GPR37: variants seen among roughly 807,000 people sequenced by gnomAD.
The protein encoded by GPR37 is G protein-coupled receptor 37.
Under a neutral mutation model 43.6 loss-of-function variants are expected in GPR37, and 20 were observed. The observed-to-expected ratio is 0.46, with a 90% CI of 0.32 to 0.67. The LOEUF (loss-of-function observed/expected upper bound fraction) is 0.67, where lower values mean the gene tolerates loss of function less well. GPR37 is among the 30% of genes least tolerant of loss of function. The pLI, the probability that GPR37 is intolerant of heterozygous loss-of-function variation, is 0.03. For missense variants in GPR37, 724 were observed against 797.2 expected (o/e 0.91, Z 1.11); for synonymous variants, 315 against 322.6 (o/e 0.98, Z 0.25).
chr7:124,754,816 G>T (rs1161839579), intron 1 of GPR37, among the ~76,000 whole-genome samples: 1 of 152,148 alleles, frequency 6.6e-6, no homozygotes, highest in African/African-American at 2.4e-5. Flanking sequence ...GTCAGGAAAA[G>T]AACAGGATGA....
rs79251213 is a variant in GPR37, at chr7:124,746,240, C to T, written c.*285G>A. Reference sequence around the variant, plus strand: ...TTTTTAAAAGAAGAAAAAACGTTAGCAATTTTAAGTTAAGTTGCAGTAACT... The same window carrying T: ...TTTTTAAAAGAAGAAAAAACGTTAGTAATTTTAAGTTAAGTTGCAGTAACT... On this transcript the variant is annotated 3_prime_UTR_variant, in exon 2 of 2. Transcript: ENST00000303921. 7.1e-4 allele frequency: 179 copies of T among 251,796 alleles called. No individual in the cohort carries two copies. The highest frequency in any genetic ancestry group is 3.6e-3 in the African/African-American group (160 of 44,928). The allele number at this position is 251,796 out of a possible 1,614,324, so 15.6% of individuals were successfully genotyped here.
chr7:124,754,676 T>C (rs1457800678), intron 1 of GPR37, among the ~76,000 whole-genome samples: 1 of 152,202 alleles, frequency 6.6e-6, no homozygotes, highest in Non-Finnish European at 1.5e-5. Flanking sequence ...AATCTTTAAG[T>C]ACATCTATTT....
Position 124,764,905 on chromosome 7 carries a change from G to C in GPR37, c.72C>G (p.Ala24=). The C allele has an allele frequency of 6.3e-7, 1 of 1,598,254 alleles. No homozygotes were observed. The highest frequency in any genetic ancestry group is 8.5e-7 in the Non-Finnish European group (1 of 1,173,412). Reference sequence around the variant, plus strand: ...CAGGGGCGACCCCGAGGGCAGAAGAGGCAGACACCTTGAGCAGTAGCAGAA... The same window carrying C: ...CAGGGGCGACCCCGAGGGCAGAAGACGCAGACACCTTGAGCAGTAGCAGAA... The part of the protein sequence containing the change: ...LLLLLLLKVS[A]SSALGVAPAS... The change falls in exon 1 of 2, where the codon GCC becomes GCG. Residue 24 remains alanine (A), a synonymous_variant. Coordinates refer to ENST00000303921, the MANE Select transcript of GPR37 (RefSeq NM_005302.5). This position sits in a 1 kb window ranked among gnomAD's most constrained non-coding sequence, Gnocchi z 5.4.
In GPR37 at chr7:124,765,613, C is replaced by A. The variant is rs1793912190; in HGVS notation, c.-637G>T. 6.6e-6 allele frequency: 1 copy of A among 152,320 alleles called. No homozygotes were observed. The highest frequency in any genetic ancestry group is 2.4e-5 in the African/African-American group (1 of 41,470). The allele number at this position is 152,320 out of a possible 1,614,324, so 9.4% of individuals were successfully genotyped here. ...CGAGCCTACTGCTGCCGAGGAGAAG[C>A]GGGATTCCAACCCCGCGGCCACTGC... On this transcript the variant is annotated 5_prime_UTR_variant, in exon 1 of 2. Transcript: ENST00000303921.
intron 1 of GPR37, among the ~76,000 whole-genome samples, chr7:124,752,703 C>G (rs7807266): frequency 6.6e-6 from 1 of 152,044 alleles, no homozygotes; most frequent in African/African-American, 2.4e-5. Context: ...TGATGTATAG[C>G]TGCATTTCAA....
intron 1 of GPR37, among the ~76,000 whole-genome samples, chr7:124,756,132 A>C (rs2116320267): frequency 6.6e-6 from 1 of 152,266 alleles, no homozygotes; most frequent in East Asian, 1.9e-4. Flanking sequence ...CTTGATGCGA[A>C]TTGGCTTATC....
Position 124,764,997 on chromosome 7 carries a change from G to A in GPR37, c.-21C>T. 6 of 1,436,520 alleles carry A rather than the reference G, an allele frequency of 4.2e-6. 1 individual carries two copies. The South Asian group carries it at 4.4e-5, about 10-fold the overall frequency. The allele number at this position is 1,436,520 out of a possible 1,614,324, so 89.0% of individuals were successfully genotyped here. A position where few individuals can be genotyped will look rare whatever the true frequency, so the allele number is the denominator to read the frequency against. On this transcript the variant is annotated 5_prime_UTR_variant, in exon 1 of 2. Transcript: ENST00000303921. This position sits in a 1 kb window ranked among gnomAD's most constrained non-coding sequence, Gnocchi z 5.4. ...CGCATGGCTTGGTGAGGGCACACCC[G>A]GCAGCCGCAGCTCCTGCTTAGTTAG...
rs759127920 is a variant in GPR37 at position 124,764,902 on chromosome 7, AGAGGCAGACACCTT to A, written c.61_74del (p.Lys21PhefsTer70). The A allele has an allele frequency of 6.2e-7, 1 of 1,600,934 alleles. No individual in the cohort carries two copies. The highest frequency in any genetic ancestry group is 1.1e-5 in the South Asian group (1 of 89,580). ...ACGCAGGGGCGACCCCGAGGGCAGA[AGAGGCAGACACCTT>A]GAGCAGTAGCAGAAGCAGTAGCCGC... On this transcript the variant is annotated frameshift_variant, in exon 1 of 2. Transcript: ENST00000303921. LOFTEE classifies it high-confidence loss of function. The surrounding 1 kb of genome is among the most constrained non-coding windows in gnomAD (Gnocchi z 5.4).
rs1025671713 is a variant in GPR37, at chr7:124,745,978, T to C, written c.*547A>G. ...ATAAAACAGTAAGGCCGGTTTTAAA[T>C]TGTGCATAGAACCAGTAATTGTATC... On this transcript the variant is annotated 3_prime_UTR_variant, in exon 2 of 2. Transcript: ENST00000303921. The C allele has an allele frequency of 6.6e-6, 1 of 152,208 alleles. No individual in the cohort carries two copies. The allele number at this position is 152,208 out of a possible 1,614,324, so 9.4% of individuals were successfully genotyped here.
At position 124,764,452 on chromosome 7, in the gene GPR37, T is replaced by C. The variant is rs1301669105; in HGVS notation, c.525A>G (p.Gly175=). The C allele has an allele frequency of 1.9e-6, 3 of 1,613,690 alleles. No homozygotes were observed. The highest frequency in any genetic ancestry group is 2.5e-6 in the Non-Finnish European group (3 of 1,180,032). The change falls in exon 1 of 2, where the codon GGA becomes GGG. Residue 175 remains glycine (G), a synonymous_variant. Coordinates refer to ENST00000303921, the MANE Select transcript of GPR37 (RefSeq NM_005302.5). The surrounding 1 kb of genome is among the most constrained non-coding windows in gnomAD (Gnocchi z 5.4). ...TTGGCCAGTAAAAAAGATCGCTGGC[T>C]CCGGGGACTGTCTTCACACTCTGCT... The part of the protein sequence containing the change: ...SQEQSVKTVP[G]ASDLFYWPRR...
chr7:124,747,165 C>A lies in GPR37; in HGVS notation c.1202G>T (p.Arg401Leu). ...LLLALPEVVL[R>L]QLSKEDLGFS... ...CCCCAAATCCTCCTTGCTCAGCTGG[C>A]GGAGAACAACTTCTGGAAGTGCTAA... Residue 401 changes from arginine to leucine, a missense_variant, in exon 2 of 2, where the codon CGC becomes CTC. Physicochemically the swap from Arg to Leu is moderately radical, Grantham distance 102. Transcript: ENST00000303921. 1 of 1,613,934 alleles carries A rather than the reference C, an allele frequency of 6.2e-7. No homozygotes were observed.
Position 124,744,138 on chromosome 7 carries a change from A to C in GPR37, c.*2387T>G, listed in dbSNP as rs1389802762. On this transcript the variant is annotated 3_prime_UTR_variant, in exon 2 of 2. Transcript: ENST00000303921. ...TTGAAAGGCAAGTATAAATGAAAAA[A>C]GAAATTTAAGTTCCTGCTGCCTCCA... is the stretch of plus-strand genomic sequence containing the variant. 4 of 152,130 alleles carry C rather than the reference A, an allele frequency of 2.6e-5. No homozygotes were observed. The highest frequency in any genetic ancestry group is 6.6e-5 in the Admixed American group (1 of 15,266). 9.4% of individuals were successfully genotyped at this position (152,130 alleles called of 1,614,324 possible).
In GPR37 at chr7:124,764,290, G is replaced by T. The variant is rs779060815; in HGVS notation, c.687C>A (p.Ile229=). 6 of 1,602,236 alleles carry T rather than the reference G, an allele frequency of 3.7e-6. No individual in the cohort carries two copies. The highest frequency in any genetic ancestry group is 1.1e-5 in the South Asian group (1 of 89,378). ...CCCGGCGGGGACCCCCAGGCTCATG[G>T]ATTCCTTCACCCAAGGATCCATTCT... ...LAQNGSLGEG[I]HEPGGPRRGN... Residue 229 remains isoleucine (I), a synonymous_variant, in exon 1 of 2, where the codon ATC becomes ATA. Coordinates refer to ENST00000303921, the MANE Select transcript of GPR37 (RefSeq NM_005302.5). This position sits in a 1 kb window ranked among gnomAD's most constrained non-coding sequence, Gnocchi z 5.4.
At chr7:124,758,129 T>G (rs1033009034) in intron 1 of GPR37, among the ~76,000 whole-genome samples, 1 of 152,140 alleles carries the variant, frequency 6.6e-6, no homozygotes, top group Non-Finnish European at 1.5e-5. Context: ...AAGGAAACTA[T>G]TTGGATTTCT....
intron 1 of GPR37, among the ~76,000 whole-genome samples, chr7:124,755,936 T>TCA (rs1793786563): frequency 1.3e-5 from 2 of 152,166 alleles, no homozygotes; most frequent in African/African-American, 4.8e-5. Context: ...TGCATGACTG[T>TCA]GAACTCAAAC....
intron 1 of GPR37, among the ~76,000 whole-genome samples, chr7:124,760,481 A>C (rs774926892): frequency 6.6e-6 from 1 of 152,246 alleles, no homozygotes; most frequent in Non-Finnish European, 1.5e-5. Context: ...GTCTCAGATT[A>C]CTGCAATTTA....
chr7:124,753,723 G>T (rs182323882), intron 1 of GPR37, among the ~76,000 whole-genome samples: 41 of 152,168 alleles, frequency 2.7e-4, no homozygotes, highest in African/African-American at 9.4e-4. Flanking sequence ...AATGATACGG[G>T]TCCTCATCTA....
Position 124,764,429 on chromosome 7 carries a change from G to A in GPR37, c.548C>T (p.Pro183Leu), listed in dbSNP as rs375541693. The change falls in exon 1 of 2, where the codon CCA (proline) becomes CTA (leucine). Residue 183 changes from proline to leucine, a missense_variant. By Grantham distance (98) the Pro-to-Leu change is moderately conservative. Around this residue, in one of 2 missense-constraint regions of GPR37, gnomAD observed 382 missense variants for 355.4 expected, o/e 1.07. Transcript: ENST00000303921. This position sits in a 1 kb window ranked among gnomAD's most constrained non-coding sequence, Gnocchi z 5.4. ...ACCCTGGAGTTTCCCGGCTCTCCTT[G>A]GCCAGTAAAAAAGATCGCTGGCTCC... is the stretch of plus-strand genomic sequence containing the variant. Reference protein sequence around the residue: ...VPGASDLFYWPRRAGKLQGSH... With the variant: ...VPGASDLFYWLRRAGKLQGSH... 1 of 1,613,630 alleles carries A rather than the reference G, an allele frequency of 6.2e-7. No individual in the cohort carries two copies. The highest frequency in any genetic ancestry group is 2.2e-5 in the East Asian group (1 of 44,846).
chr7:124,765,043 G>C lies in GPR37; in HGVS notation c.-67C>G. The C allele has an allele frequency of 7.2e-7, 1 of 1,383,482 alleles. No individual in the cohort carries two copies. The allele number at this position is 1,383,482 out of a possible 1,614,324, so 85.7% of individuals were successfully genotyped here. A position where few individuals can be genotyped will look rare whatever the true frequency, so the allele number is the denominator to read the frequency against. On this transcript the variant is annotated 5_prime_UTR_variant, in exon 1 of 2. Transcript: ENST00000303921. ...GTTAGGATCGACACCTGCTGCCGAA[G>C]TTGCTGCTGAGAGTTAGGCACATGT...
Sources: allele counts gnomAD v4.1 joint callset (sites outside exome capture counted in the v4.1 genomes callset), GRCh38; gene constraint gnomAD v4.1.1; regional missense constraint gnomAD v4.1.1; non-coding constraint Gnocchi (gnomAD v3.1); transcripts MANE v1.5; gene names NCBI Gene and HGNC (gene_info 2026-07-23, HGNC 2026-07-21).